Variants in ZNF565 observed in about 807,000 individuals in gnomAD.
ZNF565 encodes zinc finger protein 565.
A neutral mutation model predicts 39.4 loss-of-function variants in ZNF565; 27 were observed. The ratio of observed to expected loss-of-function variants is 0.69; its 90% CI spans 0.51 to 0.95. ZNF565 has a LOEUF of 0.95. Among genes scored for constraint, ZNF565 ranks in the 40% least tolerant of loss-of-function variants. ZNF565 has a pLI of 0.00. For missense variants in ZNF565, 524 were observed against 621.1 expected, an observed-to-expected ratio of 0.84 and a Z score of 1.66; for synonymous variants, 185 against 216.6, an observed-to-expected ratio of 0.85 and a Z score of 1.28.
At chr19:36,194,623 A>C (rs1975690827) in intron 3 of ZNF565, 1 of 461,482 alleles carries the variant, frequency 2.2e-6, no homozygotes, top group Non-Finnish European at 4.0e-6. Flanking sequence ...TGTGGTGATC[A>C]CTCTCCATGA....
chr19:36,206,541 T>A (rs79724985), intron 1 of ZNF565, among the ~76,000 whole-genome samples: 2 of 152,138 alleles, frequency 1.3e-5, no homozygotes, highest in African/African-American at 4.8e-5. Context: ...TAATTATATG[T>A]CAGGTGGGGC....
intron 1 of ZNF565, among the ~76,000 whole-genome samples, chr19:36,208,912 A>C (rs866562960): frequency 1.3e-5 from 2 of 152,096 alleles, no homozygotes; most frequent in Non-Finnish European, 2.9e-5. Context: ...AGCTCATTGC[A>C]ACCTTGACCT....
intron 2 of ZNF565, 128 bp downstream of exon 2, chr19:36,201,849 A>T (rs1804611774): frequency 9.3e-7 from 1 of 1,071,404 alleles, no homozygotes; most frequent in African/African-American, 1.6e-5. Flanking sequence ...CTTGGGCACC[A>T]TTACTCATCT....
At chr19:36,207,761 G>C (rs1398486103) in intron 1 of ZNF565, among the ~76,000 whole-genome samples, 1 of 152,124 alleles carries the variant, frequency 6.6e-6, no homozygotes, top group Non-Finnish European at 1.5e-5. Flanking sequence ...GGTGATGACT[G>C]TCACTTCAGT....
rs1165903863 is a variant in ZNF565, at chr19:36,245,350, AG to A, written c.55+125del. 1.4e-5 allele frequency: 9 copies of A among 665,136 alleles called. No homozygotes were observed. Among genetic ancestry groups the A allele is most frequent in the Non-Finnish European group, 2.5e-5 (9 of 366,898 alleles). 41.2% of individuals were successfully genotyped at this position (665,136 alleles called of 1,614,324 possible). On this transcript the variant is annotated intron_variant, in intron 1 of 4. Transcript: ENST00000355114. The surrounding 1 kb of genome is among the most constrained non-coding windows in gnomAD (Gnocchi z 4.4). ...CCGAGGGGCTGCTGCCGGACATTCT[AG>A]GGTCTGATCTGGCGGGCTCGAAGGG...
chr19:36,185,080 T>G (rs536502959), intron 4 of ZNF565, among the ~76,000 whole-genome samples: 1 of 151,144 alleles, frequency 6.6e-6, no homozygotes, highest in African/African-American at 2.4e-5. Context: ...ATGGCACTAC[T>G]GCACTCCAGC....
chr19:36,221,072 C>T (rs993586055), intron 1 of ZNF565, among the ~76,000 whole-genome samples: 3 of 151,748 alleles, frequency 2.0e-5, no homozygotes, highest in African/African-American at 4.8e-5. Flanking sequence ...AGGCTGGTCT[C>T]GAACTCCTGA....
chr19:36,190,513 T>A (rs1599918100), intron 4 of ZNF565, among the ~76,000 whole-genome samples: 1 of 148,450 alleles, frequency 6.7e-6, no homozygotes, highest in Non-Finnish European at 1.5e-5. Flanking sequence ...GAGGCGGAAG[T>A]TGCGATGAGC....
intron 1 of ZNF565, among the ~76,000 whole-genome samples, chr19:36,244,373 A>AC (rs57890739): frequency 0.69 from 104,288 of 151,250 alleles, 36,053 homozygotes; most frequent in African/African-American, 0.74. Flanking sequence ...AAATGGTGAA[A>AC]CCCTTCTCTA....
intron 1 of ZNF565, among the ~76,000 whole-genome samples, chr19:36,229,789 GGCTCACT>G: frequency 6.6e-6 from 1 of 152,256 alleles, no homozygotes; most frequent in South Asian, 2.1e-4. Context: ...GCACAGTCTT[GGCTCACT>G]GCAACCTCCG....
chr19:36,235,658 G>A (rs1977620029), intron 1 of ZNF565: 1 of 152,186 alleles, frequency 6.6e-6, no homozygotes. Flanking sequence ...CTCCATTTTA[G>A]AAGAAGCCTG....
intron 1 of ZNF565, 85 bp downstream of exon 1, chr19:36,214,537 C>G (rs545740871): frequency 6.5e-6 from 1 of 153,322 alleles, no homozygotes; most frequent in African/African-American, 2.4e-5. Context: ...CAGAACGGCG[C>G]ATCCGCAGCC....
chr19:36,204,555 T>A (rs1349695809), intron 1 of ZNF565, among the ~76,000 whole-genome samples: 1 of 152,238 alleles, frequency 6.6e-6, no homozygotes, highest in Non-Finnish European at 1.5e-5. Context: ...TAGTCATAGA[T>A]GGCTATTGAG....
intron 2 of ZNF565, among the ~76,000 whole-genome samples, chr19:36,198,539 A>C (rs1022933906): frequency 2.6e-5 from 4 of 152,146 alleles, no homozygotes; most frequent in Admixed American, 2.6e-4. Context: ...CAAAAAATAG[A>C]AAGAATAAGA....
chr19:36,232,864 G>A (rs1977448154), intron 1 of ZNF565, among the ~76,000 whole-genome samples: 1 of 152,106 alleles, frequency 6.6e-6, no homozygotes. Context: ...GATTACAGGT[G>A]TGAGTCACCA....
At chr19:36,203,784 C>T (rs1179091120) in intron 1 of ZNF565, among the ~76,000 whole-genome samples, 1 of 151,846 alleles carries the variant, frequency 6.6e-6, no homozygotes, top group Non-Finnish European at 1.5e-5. Flanking sequence ...ACCATGTTGG[C>T]CAGGCTGGTC....
Position 36,182,827 on chromosome 19 carries a change from C to T in ZNF565, c.1139G>A (p.Arg380Gln), listed in dbSNP as rs560448937. ...KAFRQHAQLTRHQRVHTGDRP... is the reference protein window; with the variant it reads ...KAFRQHAQLTQHQRVHTGDRP... The stretch of plus-strand genomic sequence containing the variant: ...GTCGCCAGTATGGACTCTCTGATGT[C>T]GTGTGAGCTGTGCGTGCTGTCTGAA... Residue 380 changes from arginine (R) to glutamine (Q), a missense_variant, in exon 5 of 5, where the codon CGA (arginine) becomes CAA (glutamine). By Grantham distance (43) the Arg-to-Gln change is conservative. Coordinates refer to ENST00000304116, the MANE Select transcript of ZNF565 (RefSeq NM_152477.5). 5 of 1,613,764 alleles carry T rather than the reference C, an allele frequency of 3.1e-6. No individual in the cohort carries two copies. Among genetic ancestry groups the T allele is most frequent in the East Asian group, 2.2e-5 (1 of 44,856 alleles).
intron 4 of ZNF565, among the ~76,000 whole-genome samples, chr19:36,192,205 T>C (rs928718449): frequency 5.3e-5 from 8 of 151,488 alleles, no homozygotes; most frequent in African/African-American, 1.7e-4. Context: ...GCCAGGCTGG[T>C]CTCGAACTGC....
intron 1 of ZNF565, chr19:36,236,340 G>GT: frequency 7.3e-7 from 1 of 1,375,228 alleles, no homozygotes; most frequent in Non-Finnish European, 9.8e-7. Flanking sequence ...CCTTATAAAT[G>GT]TAAGAGATGT....
Sources: gnomAD v4.1 joint callset for allele counts (sites outside exome capture counted in the v4.1 genomes callset) on GRCh38, gnomAD v4.1.1 for gene constraint, Gnocchi (gnomAD v3.1) non-coding constraint, MANE v1.5 for transcripts, NCBI Gene and HGNC (gene_info 2026-07-23, HGNC 2026-07-21) for gene names.